TDRD12: variants seen among roughly 807,000 people sequenced by gnomAD.
The protein encoded by TDRD12 is tudor domain containing 12.
A neutral mutation model predicts 133.5 loss-of-function variants in TDRD12; 158 were observed. That is an observed-to-expected ratio of 1.18 (90% CI 1.04 to 1.35). The LOEUF (loss-of-function observed/expected upper bound fraction) is 1.35. Ranked by LOEUF, TDRD12 falls within the 40% of genes most tolerant of loss-of-function variation. The pLI is 0.00. For synonymous variants in TDRD12, 460 were observed against 477.9 expected, an observed-to-expected ratio of 0.96 and a Z score of 0.49; for missense variants, 1,443 against 1,321.3, an observed-to-expected ratio of 1.09 and a Z score of -1.43.
At chr19:32,828,580 C>T (rs1967661799) in exon 10 of TDRD12, 1 of 152,276 alleles carries the variant, frequency 6.6e-6, no homozygotes. Context: ...TTGGATAGAA[C>T]ATGAGTGTTG....
At chr19:32,823,443 C>T (rs951217909), downstream of TDRD12, among the ~76,000 whole-genome samples, 7 of 152,072 alleles carry the variant, frequency 4.6e-5, no homozygotes, top group Non-Finnish European at 8.8e-5. Flanking sequence ...TGGGTTTAGA[C>T]GCATTTCATT....
At chr19:32,818,277 C>T in intron 27 of TDRD12, 120 bp downstream of exon 27, 1 of 610,448 alleles carries the variant, frequency 1.6e-6, no homozygotes, top group South Asian at 1.9e-5. Flanking sequence ...AAGGACTGGG[C>T]TGTGAGTTCC....
At chr19:32,753,083 C>T (rs142262560) in intron 6 of TDRD12, among the ~76,000 whole-genome samples, 1,731 of 151,944 alleles carry the variant, frequency 0.011, 31 homozygotes, top group African/African-American at 0.04. Context: ...TGAGCCACCG[C>T]GCCCGGCCAC....
chr19:32,779,104 G>A (rs916830499), intron 11 of TDRD12, among the ~76,000 whole-genome samples: 3 of 152,188 alleles, frequency 2.0e-5, no homozygotes, highest in Non-Finnish European at 4.4e-5. Context: ...CATTTCTGGC[G>A]AGATAGCCAA....
exon 27 of TDRD12, chr19:32,818,124 A>G (rs12151363): frequency 2.3e-5 from 16 of 702,484 alleles, no homozygotes; most frequent in Non-Finnish European, 4.2e-5. Context: ...GCTCAAGACC[A>G]GGATCATCCA....
intron 8 of TDRD12, among the ~76,000 whole-genome samples, chr19:32,757,605 C>T (rs973114819): frequency 6.6e-6 from 1 of 152,152 alleles, no homozygotes; most frequent in African/African-American, 2.4e-5. Flanking sequence ...TGTGGTGGTT[C>T]CTCCACCATT....
chr19:32,824,717 G>A (rs1199580546), downstream of TDRD12, among the ~76,000 whole-genome samples: 5 of 152,206 alleles, frequency 3.3e-5, no homozygotes, highest in South Asian at 4.2e-4. Context: ...GAGGGGATGC[G>A]TGATTGTCTT....
At chr19:32,763,316 C>T (rs1359053767) in intron 8 of TDRD12, among the ~76,000 whole-genome samples, 7 of 152,068 alleles carry the variant, frequency 4.6e-5, no homozygotes, top group Non-Finnish European at 1.0e-4. Context: ...ATGTCTAGAG[C>T]CCTGTAATTA....
chr19:32,820,164 A>G (rs772318827), intron 27 of TDRD12, among the ~76,000 whole-genome samples: 8 of 152,122 alleles, frequency 5.3e-5, no homozygotes, highest in Non-Finnish European at 1.0e-4. Context: ...AAAGTGCCAC[A>G]CTGCAGGCTT....
exon 1 of TDRD12, chr19:32,720,060 G>C (rs944976183): frequency 3.1e-5 from 48 of 1,548,144 alleles, no homozygotes; most frequent in Non-Finnish European, 3.8e-5. Context: ...ATCTGCCCTC[G>C]GGCGCCAGGA....
At chr19:32,758,560 C>T (rs1599866613) in intron 8 of TDRD12, among the ~76,000 whole-genome samples, 1 of 152,128 alleles carries the variant, frequency 6.6e-6, no homozygotes, top group African/African-American at 2.4e-5. Flanking sequence ...CACCCCATCT[C>T]GCTAGGCATT....
At chr19:32,747,613 C>G (rs1247007023) in intron 4 of TDRD12, among the ~76,000 whole-genome samples, 2 of 152,094 alleles carry the variant, frequency 1.3e-5, no homozygotes, top group Non-Finnish European at 2.9e-5. Context: ...CTACAATTTT[C>G]TTTGCAAAGC....
At chr19:32,777,076 C>T (rs770497818) in intron 10 of TDRD12, 73 bp from the exon 11 acceptor site, 424 of 936,636 alleles carry the variant, frequency 4.5e-4, no homozygotes, top group Non-Finnish European at 1.7e-4. Context: ...TTATTTTTGT[C>T]GAGATGGGGA....
chr19:32,761,839 C>T (rs1305235243), intron 8 of TDRD12, among the ~76,000 whole-genome samples: 2 of 151,824 alleles, frequency 1.3e-5, no homozygotes, highest in Non-Finnish European at 2.9e-5. Flanking sequence ...GTGCCCGCCA[C>T]CATGCCTGGC....
intron 8 of TDRD12, among the ~76,000 whole-genome samples, chr19:32,758,905 G>C (rs12975572): frequency 0.25 from 37,957 of 151,854 alleles, 5,091 homozygotes; most frequent in Middle Eastern, 0.33. Flanking sequence ...TTGCACTCCA[G>C]CCTGGATGAC....
intron 3 of TDRD12, among the ~76,000 whole-genome samples, chr19:32,740,015 G>A (rs56412527): frequency 9.2e-6 from 1 of 108,392 alleles, no homozygotes; most frequent in South Asian, 3.8e-4. Flanking sequence ...GCATCTCCTG[G>A]GTACTCTCTG....
chr19:32,731,616 A>G, intron 1 of TDRD12, 109 bp from the exon 2 acceptor site: 1 of 1,025,494 alleles, frequency 9.8e-7, no homozygotes. Flanking sequence ...TTTGTCAAGA[A>G]TTTGTTAGGT....
chr19:32,739,982 T>A (rs1352473409), intron 3 of TDRD12, among the ~76,000 whole-genome samples: 3 of 122,384 alleles, frequency 2.5e-5, no homozygotes, highest in Non-Finnish European at 3.4e-5. Context: ...CTGGGTGCTG[T>A]CTGCATCTCC....
At chr19:32,763,409 T>C (rs953932424) in intron 8 of TDRD12, among the ~76,000 whole-genome samples, 2 of 152,116 alleles carry the variant, frequency 1.3e-5, no homozygotes, top group African/African-American at 2.4e-5. Flanking sequence ...TCACCTTATG[T>C]GGGACAGGAT....
Sources: allele counts gnomAD v4.1 joint callset (sites outside exome capture counted in the v4.1 genomes callset), GRCh38; gene constraint gnomAD v4.1.1; transcripts MANE v1.5; gene names NCBI Gene and HGNC (gene_info 2026-07-23, HGNC 2026-07-21).